Variants in NTM observed in about 807,000 individuals in gnomAD.
The protein encoded by NTM is neurotrimin.
A neutral mutation model predicts 42.1 loss-of-function variants in NTM; 13 were observed. The ratio of observed to expected loss-of-function variants is 0.31; its 90% CI spans 0.20 to 0.49. The LOEUF (loss-of-function observed/expected upper bound fraction) is 0.49, where lower values mean the gene tolerates loss of function less well. NTM is among the 20% of genes least tolerant of loss of function. The pLI is 0.99. For missense variants in NTM, 373 were observed against 452.8 expected, an observed-to-expected ratio of 0.82 and a Z score of 1.60; for synonymous variants, 187 against 179.2, an observed-to-expected ratio of 1.04 and a Z score of -0.35.
intron 4 of NTM, among the ~76,000 whole-genome samples, chr11:132,226,384 T>A (rs2138955305): frequency 6.6e-6 from 1 of 152,352 alleles, no homozygotes; most frequent in South Asian, 2.1e-4. Context: ...GTTTCCTGAC[T>A]TTTTAATGAT....
At chr11:131,518,393 C>T (rs962654657) in intron 1 of NTM, among the ~76,000 whole-genome samples, 4 of 152,134 alleles carry the variant, frequency 2.6e-5, no homozygotes, top group African/African-American at 7.2e-5. Flanking sequence ...GGCTGTAGTT[C>T]AGAAGTCCTT....
chr11:132,311,496 G>C (rs78437039), intron 6 of NTM, among the ~76,000 whole-genome samples: 5,060 of 152,202 alleles, frequency 0.033, 267 homozygotes, highest in African/African-American at 0.11. Context: ...CTTCTTCCAA[G>C]AAAGAAGAAT....
intron 1 of NTM, among the ~76,000 whole-genome samples, chr11:131,382,907 G>T (rs1759634141): frequency 6.6e-6 from 1 of 151,734 alleles, no homozygotes; most frequent in South Asian, 2.1e-4. Context: ...TATTGTGTTA[G>T]TTTCATTCTT....
chr11:131,964,886 G>T (rs1055592764), intron 2 of NTM, among the ~76,000 whole-genome samples: 3 of 152,182 alleles, frequency 2.0e-5, no homozygotes, highest in African/African-American at 7.2e-5. Context: ...TTGTGGTTCA[G>T]CAGGATGCTT....
At chr11:132,030,842 T>C (rs1939717) in intron 2 of NTM, among the ~76,000 whole-genome samples, 62,108 of 152,086 alleles carry the variant, frequency 0.41, 13,944 homozygotes, top group East Asian at 0.82. Context: ...AGTGCCACAA[T>C]AGTGCTGCAT....
chr11:131,682,346 G>A (rs1361684770), intron 1 of NTM, among the ~76,000 whole-genome samples: 1 of 152,220 alleles, frequency 6.6e-6, no homozygotes, highest in Non-Finnish European at 1.5e-5. Context: ...AAAAACAGCA[G>A]CTGTGGTTGC....
intron 2 of NTM, among the ~76,000 whole-genome samples, chr11:131,946,403 A>AAGGTC (rs1460066573): frequency 1.3e-5 from 2 of 152,232 alleles, no homozygotes; most frequent in Non-Finnish European, 2.9e-5. Flanking sequence ...ACATTGCCAC[A>AAGGTC]AGGTCAAATA....
chr11:132,168,949 G>A (rs1384787709), intron 3 of NTM, among the ~76,000 whole-genome samples: 1 of 152,122 alleles, frequency 6.6e-6, no homozygotes, highest in Non-Finnish European at 1.5e-5. Context: ...TGCAAGGAAG[G>A]ACTTTTAGAT....
intron 2 of NTM, among the ~76,000 whole-genome samples, chr11:132,068,910 CA>C (rs2056927985): frequency 6.6e-6 from 1 of 152,222 alleles, no homozygotes; most frequent in Admixed American, 6.5e-5. Context: ...CCAGATTATC[CA>C]GGATCATCTC....
chr11:132,156,726 G>A (rs1296501316), intron 3 of NTM, among the ~76,000 whole-genome samples: 3 of 151,976 alleles, frequency 2.0e-5, no homozygotes, highest in African/African-American at 4.8e-5. Flanking sequence ...GCTGAATAAT[G>A]TCCAAACAAA....
At chr11:131,399,723 C>T (rs1174260462) in intron 1 of NTM, among the ~76,000 whole-genome samples, 2 of 152,130 alleles carry the variant, frequency 1.3e-5, no homozygotes, top group Admixed American at 6.5e-5. Flanking sequence ...TAATCCTTAG[C>T]GCCCATTTGG....
At chr11:131,864,345 G>A (rs2046929329) in intron 1 of NTM, among the ~76,000 whole-genome samples, 1 of 152,202 alleles carries the variant, frequency 6.6e-6, no homozygotes, top group South Asian at 2.1e-4. Flanking sequence ...TGTGACAGCA[G>A]GATTCTCCTG....
At chr11:132,321,382 A>T (rs997055643) in intron 7 of NTM, among the ~76,000 whole-genome samples, 7 of 152,216 alleles carry the variant, frequency 4.6e-5, no homozygotes, top group African/African-American at 1.7e-4. Context: ...TGAAGAATGC[A>T]GAAGCCTCAG....
intron 1 of NTM, among the ~76,000 whole-genome samples, chr11:131,525,231 G>T (rs931137633): frequency 6.6e-6 from 1 of 152,158 alleles, no homozygotes; most frequent in African/African-American, 2.4e-5. Context: ...GGCACTCTGG[G>T]CAGCTGAGCA....
intron 7 of NTM, among the ~76,000 whole-genome samples, chr11:132,325,663 C>T (rs1379790654): frequency 6.6e-6 from 1 of 152,136 alleles, no homozygotes; most frequent in Non-Finnish European, 1.5e-5. Flanking sequence ...CATCCCATTA[C>T]TGGGTATATA....
At chr11:131,869,688 A>G (rs546032063) in intron 1 of NTM, among the ~76,000 whole-genome samples, 1 of 152,338 alleles carries the variant, frequency 6.6e-6, no homozygotes, top group East Asian at 1.9e-4. Flanking sequence ...CAGAAAATTT[A>G]ATTTAATTGT....
chr11:132,309,964 G>C, intron 5 of NTM, 148 bp from the exon 6 acceptor site: 1 of 912,898 alleles, frequency 1.1e-6, no homozygotes. Context: ...GCTGATGCAG[G>C]AGAATTGCTT....
At chr11:131,473,389 G>A (rs988660939) in intron 1 of NTM, among the ~76,000 whole-genome samples, 3 of 152,150 alleles carry the variant, frequency 2.0e-5, no homozygotes, top group African/African-American at 7.2e-5. Flanking sequence ...GGGAGGGAGA[G>A]CCTGTGAATC....
At chr11:131,516,960 T>G (rs2048971863) in intron 1 of NTM, among the ~76,000 whole-genome samples, 1 of 152,134 alleles carries the variant, frequency 6.6e-6, no homozygotes, top group Non-Finnish European at 1.5e-5. Flanking sequence ...GAATATGACA[T>G]ATAGAGTGGC....
Sources: allele counts gnomAD v4.1 joint callset (sites outside exome capture counted in the v4.1 genomes callset), GRCh38; gene constraint gnomAD v4.1.1; transcripts MANE v1.5; gene names NCBI Gene and HGNC (gene_info 2026-07-23, HGNC 2026-07-21).